The following GCA variants were observed in gnomAD, a reference collection of about 807,000 sequenced individuals.
The protein encoded by GCA is grancalcin, EF-hand calcium-binding protein.
GCA carries 30 observed loss-of-function variants against 32.6 expected under a neutral mutation model. The observed-to-expected ratio is 0.92, with a 90% CI of 0.69 to 1.25. The LOEUF (loss-of-function observed/expected upper bound fraction) is 1.25. Among genes scored for constraint, GCA ranks in the 50% most tolerant of loss-of-function variants. The pLI is 0.00. For synonymous variants in GCA, 102 were observed against 84.6 expected, an observed-to-expected ratio of 1.21 and a Z score of -1.13; for missense variants, 291 against 266.8, an observed-to-expected ratio of 1.09 and a Z score of -0.63.
intron 1 of GCA, among the ~76,000 whole-genome samples, chr2:162,328,920 T>G (rs77410166): frequency 0.02 from 3,077 of 152,270 alleles, 115 homozygotes; most frequent in African/African-American, 0.071. Flanking sequence ...CTCAGTGGCC[T>G]GGGCTCTCCA....
rs1168156384 is a variant in GCA, at chr2:162,357,920, A to G, written c.454+1015A>G. On this transcript the variant is annotated intron_variant, in intron 5 of 7. Transcript: ENST00000437150. ...TTCAAATTATTTTTCTGAGAATACT[A>G]TGGGAAAATCTAGGAATTTTATCAG... is the stretch of plus-strand genomic sequence containing the variant. Among the ~76,000 whole-genome samples, 5 of 151,722 alleles carry G rather than the reference A, an allele frequency of 3.3e-5. No individual in the cohort carries two copies. The South Asian group carries it at 6.2e-4, about 19-fold the overall frequency.
rs1465268008 is a variant in GCA at position 162,361,235 on chromosome 2, G to C, written c.*992G>C. 1.0e-6 allele frequency: 1 copy of C among 984,324 alleles called. No homozygotes were observed. The highest frequency in any genetic ancestry group is 1.7e-5 in the African/African-American group (1 of 57,168). 61.0% of individuals were successfully genotyped at this position (984,324 alleles called of 1,614,324 possible). A position where few individuals can be genotyped will look rare whatever the true frequency, so the allele number is the denominator to read the frequency against. On this transcript the variant is annotated 3_prime_UTR_variant, in exon 8 of 8. Transcript: ENST00000437150. ...GCATCTATGTGATGTGGTGTTTTGA[G>C]CATAGTAGGCACCACAGCAACTTTT...
chr2:162,331,291 T>A (rs139376239), intron 1 of GCA, among the ~76,000 whole-genome samples: 1 of 152,236 alleles, frequency 6.6e-6, no homozygotes, highest in African/African-American at 2.4e-5. Flanking sequence ...TTCTGCACTT[T>A]GCAAATGACT....
At chr2:162,359,820 A>G (rs1299246326) in intron 7 of GCA, among the ~76,000 whole-genome samples, 3 of 151,126 alleles carry the variant, frequency 2.0e-5, no homozygotes, top group African/African-American at 7.3e-5. Flanking sequence ...AATCACTTTT[A>G]AGGGCCAAAA....
chr2:162,341,149 A>G (rs1160764895), upstream of GCA, among the ~76,000 whole-genome samples: 2 of 151,686 alleles, frequency 1.3e-5, no homozygotes, highest in African/African-American at 4.8e-5. Flanking sequence ...GTTACATTAT[A>G]CATGCTCAAT....
At chr2:162,333,438 T>C (rs1684164774) in intron 1 of GCA, among the ~76,000 whole-genome samples, 1 of 152,142 alleles carries the variant, frequency 6.6e-6, no homozygotes, top group Non-Finnish European at 1.5e-5. Context: ...TTTATCTATC[T>C]GAGTATTTGT....
chr2:162,344,170 G>C lies in GCA; in HGVS notation c.-79G>C. ...GCCTCACCTGCAGCTGCGCCTCCTTGCACCTGCGCCTGTGCTTTTTCTCCC... is the reference window on the plus strand; with the variant it reads ...GCCTCACCTGCAGCTGCGCCTCCTTCCACCTGCGCCTGTGCTTTTTCTCCC... On this transcript the variant is annotated 5_prime_UTR_variant, in exon 1 of 8. Coordinates refer to ENST00000437150, the MANE Select transcript of GCA (RefSeq NM_012198.5). 6.6e-7 allele frequency: 1 copy of C among 1,507,652 alleles called. No individual in the cohort carries two copies. Among genetic ancestry groups the C allele is most frequent in the Non-Finnish European group, 9.2e-7 (1 of 1,084,762 alleles). The allele number at this position is 1,507,652 out of a possible 1,614,324, so 93.4% of individuals were successfully genotyped here. A position where few individuals can be genotyped will look rare whatever the true frequency, so the allele number is the denominator to read the frequency against.
downstream of GCA, among the ~76,000 whole-genome samples, chr2:162,365,906 T>C (rs1282339718): frequency 6.6e-6 from 1 of 151,626 alleles, no homozygotes; most frequent in African/African-American, 2.4e-5. Context: ...ATAAGATTAC[T>C]GATCCTTTAA....
intron 2 of GCA, among the ~76,000 whole-genome samples, chr2:162,348,197 A>G (rs1003838913): frequency 1.3e-5 from 2 of 152,190 alleles, no homozygotes; most frequent in African/African-American, 4.8e-5. Context: ...ACACAAAGCT[A>G]AGTAGGTTTA....
At chr2:162,325,748 T>A (rs1683853848) in intron 1 of GCA, among the ~76,000 whole-genome samples, 1 of 152,212 alleles carries the variant, frequency 6.6e-6, no homozygotes, top group African/African-American at 2.4e-5. Flanking sequence ...TGTTTCTCAG[T>A]GTCTGTCAGG....
At chr2:162,369,443 A>C (rs1685853621) in intron 4 of GCA, among the ~76,000 whole-genome samples, 1 of 152,144 alleles carries the variant, frequency 6.6e-6, no homozygotes, top group Non-Finnish European at 1.5e-5. Context: ...GATGTCAAGG[A>C]ATTAAGAAAA....
Position 162,361,159 on chromosome 2 carries a change from A to G in GCA, c.*916A>G. 1 of 984,396 alleles carries G rather than the reference A, an allele frequency of 1.0e-6. No homozygotes were observed. Among genetic ancestry groups the G allele is most frequent in the African/African-American group, 1.7e-5 (1 of 57,284 alleles). The allele number at this position is 984,396 out of a possible 1,614,324, so 61.0% of individuals were successfully genotyped here. A position where few individuals can be genotyped will look rare whatever the true frequency, so the allele number is the denominator to read the frequency against. ...TTTTACATTTGACTTATTTGACAAC[A>G]TTAACATTAGTGGTGGCTTTGCCAT... On this transcript the variant is annotated 3_prime_UTR_variant, in exon 8 of 8. Coordinates refer to ENST00000437150, the MANE Select transcript of GCA (RefSeq NM_012198.5).
At chr2:162,375,266 G>C (rs1486515309), downstream of GCA, among the ~76,000 whole-genome samples, 2 of 152,172 alleles carry the variant, frequency 1.3e-5, no homozygotes, top group Admixed American at 6.5e-5. Context: ...GGAAAGACTG[G>C]AAGAAGAACT....
exon 5 of GCA, chr2:162,371,392 C>T: frequency 7.0e-6 from 9 of 1,288,504 alleles, no homozygotes; most frequent in Non-Finnish European, 9.1e-6. Flanking sequence ...TTCCCTTTAT[C>T]CCCCTGGAAT....
intron 1 of GCA, among the ~76,000 whole-genome samples, chr2:162,337,889 G>A (rs923154449): frequency 6.6e-6 from 1 of 152,108 alleles, no homozygotes; most frequent in Non-Finnish European, 1.5e-5. Flanking sequence ...ATTGTGTAGT[G>A]AAAGGTGACA....
At chr2:162,321,471 T>G (rs1683661771) in intron 1 of GCA, among the ~76,000 whole-genome samples, 1 of 152,076 alleles carries the variant, frequency 6.6e-6, no homozygotes, top group South Asian at 2.1e-4. Context: ...TTTAGTTTAG[T>G]GAGAAACCCT....
chr2:162,326,571 C>T (rs1683888403), intron 1 of GCA, among the ~76,000 whole-genome samples: 1 of 152,130 alleles, frequency 6.6e-6, no homozygotes, highest in Non-Finnish European at 1.5e-5. Context: ...GGCTGGAGTG[C>T]AATGGCACGA....
Position 162,344,254 on chromosome 2 carries a change from C to G in GCA, c.6C>G (p.Ala2=). 1 of 1,613,806 alleles carries G rather than the reference C, an allele frequency of 6.2e-7. No homozygotes were observed. The highest frequency in any genetic ancestry group is 8.5e-7 in the Non-Finnish European group (1 of 1,179,922). Residue 2 remains alanine, a synonymous_variant, in exon 1 of 8, where the codon GCC becomes GCG. Coordinates refer to ENST00000437150, the MANE Select transcript of GCA (RefSeq NM_012198.5). The part of the protein sequence containing the change: M[A]YPGYGGGFGN... ...CTCCGCTCGTCCCGCTCGTCATGGC[C>G]TACCCGGGATACGGAGGAGGGGTGA...
upstream of GCA, among the ~76,000 whole-genome samples, chr2:162,343,638 T>C (rs936372911): frequency 2.0e-5 from 3 of 152,204 alleles, no homozygotes; most frequent in African/African-American, 7.2e-5. Flanking sequence ...GCACTCCTCC[T>C]GGACCACAGG....
Sources: gnomAD v4.1 joint callset for allele counts (sites outside exome capture counted in the v4.1 genomes callset) on GRCh38, gnomAD v4.1.1 for gene constraint, MANE v1.5 for transcripts, NCBI Gene and HGNC (gene_info 2026-07-23, HGNC 2026-07-21) for gene names.